XKR6: variants seen among roughly 807,000 people sequenced by gnomAD.
XKR6 encodes the protein XK related 6.
Under a neutral mutation model 56.7 loss-of-function variants are expected in XKR6, and 22 were observed. That is an observed-to-expected ratio of 0.39 (90% CI 0.28 to 0.55). XKR6 has a LOEUF of 0.55. XKR6 is among the 20% of genes least tolerant of loss of function. The pLI is 0.66. For missense variants in XKR6, 852 were observed against 889.0 expected, an observed-to-expected ratio of 0.96 and a Z score of 0.53; for synonymous variants, 524 against 387.8, an observed-to-expected ratio of 1.35 and a Z score of -4.13.
At chr8:11,151,009 A>G (rs1259203435) in intron 1 of XKR6, among the ~76,000 whole-genome samples, 1 of 152,054 alleles carries the variant, frequency 6.6e-6, no homozygotes, top group African/African-American at 2.4e-5. Flanking sequence ...ACTTAAAATT[A>G]TGTTAGAATT....
At chr8:11,056,278 A>G (rs1455631780) in intron 1 of XKR6, among the ~76,000 whole-genome samples, 5 of 152,158 alleles carry the variant, frequency 3.3e-5, no homozygotes, top group Admixed American at 3.3e-4. Flanking sequence ...GTTTACTGGG[A>G]AGCTCTTTAT....
intron 1 of XKR6, among the ~76,000 whole-genome samples, chr8:11,049,851 C>G (rs929731655): frequency 2.0e-5 from 3 of 152,334 alleles, no homozygotes; most frequent in Middle Eastern, 3.4e-3. Flanking sequence ...AAGGGGCAAA[C>G]AGCGCATACA....
At chr8:10,911,705 T>TAG (rs923022787) in intron 2 of XKR6, among the ~76,000 whole-genome samples, 3 of 146,476 alleles carry the variant, frequency 2.0e-5, no homozygotes, top group South Asian at 4.3e-4. Flanking sequence ...TATACACATG[T>TAG]AGAGAGAGAG....
At chr8:11,066,995 G>C (rs941997516) in intron 1 of XKR6, 1 of 152,456 alleles carries the variant, frequency 6.6e-6, no homozygotes, top group Non-Finnish European at 1.5e-5. Context: ...GGTGCATGTG[G>C]AAGCTTCATG....
intron 1 of XKR6, among the ~76,000 whole-genome samples, chr8:11,069,237 T>G (rs557651638): frequency 2.0e-5 from 3 of 147,644 alleles, no homozygotes; most frequent in African/African-American, 5.0e-5. Flanking sequence ...TGAAAAGATA[T>G]GCCAAAAAAA....
intron 1 of XKR6, among the ~76,000 whole-genome samples, chr8:11,174,272 C>G (rs1802540187): frequency 6.6e-6 from 1 of 152,206 alleles, no homozygotes; most frequent in Admixed American, 6.5e-5. Context: ...CAGTAAGTCA[C>G]TCACTCCTCT....
chr8:11,140,382 A>C lies in XKR6; in HGVS notation c.764+60194T>G, dbSNP rs115650343. On this transcript the variant is annotated intron_variant, in intron 1 of 2. Transcript: ENST00000416569. ...CAAATGGCTAACACCAGATTAAGAA[A>C]AAGTCCTTTGGGTATCGAGGCAAAA... Among the ~76,000 whole-genome samples the C allele has an allele frequency of 3.4e-3, 519 of 152,340 alleles. 2 individuals carry two copies. The highest frequency in any genetic ancestry group is 0.012 in the African/African-American group (491 of 41,580).
At chr8:11,149,859 G>C (rs918894873) in intron 1 of XKR6, among the ~76,000 whole-genome samples, 3 of 152,214 alleles carry the variant, frequency 2.0e-5, no homozygotes, top group Non-Finnish European at 4.4e-5. Context: ...AATGGAAAAA[G>C]AAAGTGTGGT....
chr8:10,950,070 A>G (rs1205364017), intron 1 of XKR6, among the ~76,000 whole-genome samples: 1 of 152,114 alleles, frequency 6.6e-6, no homozygotes, highest in Admixed American at 6.5e-5. Context: ...CCAGGAATGC[A>G]TGCACACGTG....
intron 1 of XKR6, among the ~76,000 whole-genome samples, chr8:10,928,727 G>C (rs572979489): frequency 3.9e-5 from 6 of 152,180 alleles, no homozygotes; most frequent in Admixed American, 2.0e-4. Context: ...GCGCTCCGAG[G>C]GGGGAACCAA....
At chr8:11,058,611 C>T (rs1799745896) in intron 1 of XKR6, among the ~76,000 whole-genome samples, 1 of 152,340 alleles carries the variant, frequency 6.6e-6, no homozygotes, top group Non-Finnish European at 1.5e-5. Context: ...ACCACATGTT[C>T]TCACTCATAA....
rs1799916622 is a variant in XKR6 at position 10,897,528 on chromosome 8, T to C, written c.*424A>G. ...TTTGTTTGTTTGTGTTTGTTTTGTTTTGTTTTGTTCTTTCAATCAGCACCA... is the reference window on the plus strand; with the variant it reads ...TTTGTTTGTTTGTGTTTGTTTTGTTCTGTTTTGTTCTTTCAATCAGCACCA... On this transcript the variant is annotated 3_prime_UTR_variant, in exon 3 of 3. Transcript: ENST00000416569. The C allele has an allele frequency of 6.5e-6, 1 of 154,866 alleles. No homozygotes were observed. The highest frequency in any genetic ancestry group is 2.4e-5 in the African/African-American group (1 of 41,558). 9.6% of individuals were successfully genotyped at this position (154,866 alleles called of 1,614,324 possible). A position where few individuals can be genotyped will look rare whatever the true frequency, so the allele number is the denominator to read the frequency against.
intron 1 of XKR6, among the ~76,000 whole-genome samples, chr8:10,945,570 C>G (rs1402460101): frequency 1.3e-5 from 2 of 152,220 alleles, no homozygotes; most frequent in African/African-American, 2.4e-5. Context: ...GTTTCCCCAT[C>G]TAAGCTCCCA....
intron 1 of XKR6, among the ~76,000 whole-genome samples, chr8:11,058,076 G>A (rs1330828622): frequency 1.3e-5 from 2 of 152,222 alleles, no homozygotes; most frequent in Non-Finnish European, 1.5e-5. Flanking sequence ...TAGAATATTC[G>A]AGGACTAAAT....
chr8:10,939,664 C>T (rs1161524353), intron 1 of XKR6, among the ~76,000 whole-genome samples: 1 of 152,238 alleles, frequency 6.6e-6, no homozygotes, highest in African/African-American at 2.4e-5. Flanking sequence ...CAGGCTGGTT[C>T]GTAAAGCTTC....
intron 2 of XKR6, among the ~76,000 whole-genome samples, chr8:10,906,979 T>C (rs1800204365): frequency 6.6e-6 from 1 of 151,106 alleles, no homozygotes; most frequent in South Asian, 2.1e-4. Context: ...ACCTGGGAGG[T>C]GGAGGTTGCA....
At chr8:11,126,442 A>G (rs1187972363) in intron 1 of XKR6, among the ~76,000 whole-genome samples, 3 of 151,932 alleles carry the variant, frequency 2.0e-5, no homozygotes, top group Non-Finnish European at 4.4e-5. Context: ...TTTTTGGCCT[A>G]CTACTCAGTT....
At chr8:10,983,592 C>A (rs1360789928) in intron 1 of XKR6, among the ~76,000 whole-genome samples, 1 of 152,052 alleles carries the variant, frequency 6.6e-6, no homozygotes, top group Non-Finnish European at 1.5e-5. Flanking sequence ...TCCTTAAGAA[C>A]AGACAACAGC....
intron 1 of XKR6, among the ~76,000 whole-genome samples, chr8:10,949,789 C>T (rs1186082677): frequency 1.3e-5 from 2 of 152,132 alleles, no homozygotes; most frequent in African/African-American, 4.8e-5. Context: ...AACTCCTAGC[C>T]CAAGTTGGGT....
Sources: allele counts gnomAD v4.1 joint callset (sites outside exome capture counted in the v4.1 genomes callset), GRCh38; gene constraint gnomAD v4.1.1; transcripts MANE v1.5; gene names NCBI Gene and HGNC (gene_info 2026-07-23, HGNC 2026-07-21).